Variants in KANSL1 observed in about 807,000 individuals in gnomAD.
The protein encoded by KANSL1 is MLL1/MLL complex subunit KANSL1.
Under a neutral mutation model 103.6 loss-of-function variants are expected in KANSL1, and 22 were observed. The ratio of observed to expected loss-of-function variants is 0.21; its 90% CI spans 0.15 to 0.30. The LOEUF (loss-of-function observed/expected upper bound fraction) is 0.30, where lower values mean the gene tolerates loss of function less well. Among genes scored for constraint, KANSL1 ranks in the 10% least tolerant of loss-of-function variants. The pLI is 1.00. For missense variants in KANSL1, 1,337 were observed against 1,399.8 expected (o/e 0.96, Z 0.72); for synonymous variants, 600 against 527.6 (o/e 1.14, Z -1.88).
chr17:46,179,956 TG>T (rs1167464703), intron 1 of KANSL1, among the ~76,000 whole-genome samples: 1 of 151,724 alleles, frequency 6.6e-6, no homozygotes, highest in Admixed American at 6.6e-5. Flanking sequence ...CCCAGCTACT[TG>T]GAAGACTGAG....
chr17:46,156,621 A>G (rs533184378), intron 2 of KANSL1, among the ~76,000 whole-genome samples: 1 of 152,386 alleles, frequency 6.6e-6, no homozygotes, highest in Non-Finnish European at 1.5e-5. Flanking sequence ...TACTAAAACG[A>G]AACAGAGACG....
At chr17:46,172,326 A>G (rs2046328798) in intron 1 of KANSL1, 94 bp from the exon 2 acceptor site, 1 of 658,892 alleles carries the variant, frequency 1.5e-6, no homozygotes, top group Admixed American at 3.3e-5. Context: ...CTGTTGTCTA[A>G]ACTGCCTCCA....
intron 2 of KANSL1, among the ~76,000 whole-genome samples, chr17:46,138,430 TC>T (rs1414582373): frequency 6.6e-6 from 1 of 152,222 alleles, no homozygotes; most frequent in Non-Finnish European, 1.5e-5. Flanking sequence ...TTATAAGTAA[TC>T]TAGAGATGAC....
intron 1 of KANSL1, among the ~76,000 whole-genome samples, chr17:46,178,476 C>A (rs2147808391): frequency 6.6e-6 from 1 of 152,320 alleles, no homozygotes; most frequent in Non-Finnish European, 1.5e-5. Flanking sequence ...ATTTTTAGTT[C>A]ATTCAGTTAG....
chr17:46,216,287 G>A (rs2048335822), intron 1 of KANSL1, among the ~76,000 whole-genome samples: 2 of 152,168 alleles, frequency 1.3e-5, no homozygotes, highest in South Asian at 2.1e-4. Flanking sequence ...AATGTTTTTA[G>A]GAGCAAAAGA....
At chr17:46,175,974 A>T (rs2046501108) in intron 1 of KANSL1, among the ~76,000 whole-genome samples, 1 of 152,248 alleles carries the variant, frequency 6.6e-6, no homozygotes, top group Non-Finnish European at 1.5e-5. Context: ...TATAATATGC[A>T]AAGGGTTTTT....
intron 3 of KANSL1, among the ~76,000 whole-genome samples, chr17:46,088,840 G>C (rs1337257848): frequency 6.6e-6 from 1 of 152,216 alleles, no homozygotes; most frequent in Admixed American, 6.5e-5. Flanking sequence ...AAAGAACTAT[G>C]ATCTGGCCAT....
At chr17:46,132,896 T>A (rs568961088) in intron 2 of KANSL1, among the ~76,000 whole-genome samples, 1 of 152,216 alleles carries the variant, frequency 6.6e-6, no homozygotes, top group Admixed American at 6.5e-5. Flanking sequence ...TGAGCCATCA[T>A]CATACCACTG....
chr17:46,066,515 A>C (rs1194947739), intron 6 of KANSL1, 22 bp downstream of exon 6: 1 of 1,576,162 alleles, frequency 6.3e-7, no homozygotes, highest in Non-Finnish European at 8.6e-7. Flanking sequence ...CTTGACAATG[A>C]CCAACTCTCA....
chr17:46,074,508 T>G (rs1236410788), intron 4 of KANSL1, among the ~76,000 whole-genome samples: 4 of 151,866 alleles, frequency 2.6e-5, no homozygotes, highest in Non-Finnish European at 5.9e-5. Flanking sequence ...AAATTATGAG[T>G]AAAAATATAA....
In KANSL1 at chr17:46,038,599, G is replaced by T. The variant is rs773238363; in HGVS notation, c.2480C>A (p.Ser827Tyr). 6.2e-7 allele frequency: 1 copy of T among 1,614,184 alleles called. No individual in the cohort carries two copies. Among genetic ancestry groups the T allele is most frequent in the South Asian group, 1.1e-5 (1 of 91,088 alleles). ...PPHSPLVRQL[S>Y]TSSDSPAPAS... The stretch of plus-strand genomic sequence containing the variant: ...GGGTGCAGGGGAATCTGAGGAGGTG[G>T]AGAGCTGTCGCACCAAGGGACTGTG... The change falls in exon 10 of 15, where the codon TCC (serine) becomes TAC (tyrosine). Residue 827 changes from serine to tyrosine, a missense_variant. Physicochemically the swap from Ser to Tyr is moderately radical, Grantham distance 144. Transcript: ENST00000432791.
At chr17:46,146,462 AT>A (rs1204869045) in intron 2 of KANSL1, among the ~76,000 whole-genome samples, 10 of 152,044 alleles carry the variant, frequency 6.6e-5, no homozygotes, top group East Asian at 1.9e-4. Flanking sequence ...GAAAAAAAAA[AT>A]TTTTTTTGGA....
intron 1 of KANSL1, among the ~76,000 whole-genome samples, chr17:46,183,274 A>T (rs1597905812): frequency 6.8e-6 from 1 of 148,012 alleles, no homozygotes; most frequent in African/African-American, 2.5e-5. Flanking sequence ...AAACAAAAAC[A>T]CTAATTTTTT....
At chr17:46,059,646 AAAGAG>A (rs1401473415) in intron 6 of KANSL1, among the ~76,000 whole-genome samples, 8 of 64,596 alleles carry the variant, frequency 1.2e-4, no homozygotes, top group East Asian at 8.9e-4. Flanking sequence ...AAAAAAAAAA[AAAGAG>A]AGAGAGAGAG....
At position 46,033,148 on chromosome 17, in the gene KANSL1, T is replaced by C; in HGVS notation, c.2769A>G (p.Lys923=). The C allele has an allele frequency of 6.2e-7, 1 of 1,607,556 alleles. No homozygotes were observed. The highest frequency in any genetic ancestry group is 8.5e-7 in the Non-Finnish European group (1 of 1,176,834). The change falls in exon 13 of 15, where the codon AAA becomes AAG. Residue 923 remains lysine, a synonymous_variant. Transcript: ENST00000432791. ...ACCGTGCCCTCTCCATCTCCTCACATTTGGCATGCAGGGCGGCGAAGGCTG... is the reference window on the plus strand; with the variant it reads ...ACCGTGCCCTCTCCATCTCCTCACACTTGGCATGCAGGGCGGCGAAGGCTG... ...SDAAFAALHA[K]CEEMERARWL... is the part of the protein sequence containing the mutation.
intron 2 of KANSL1, among the ~76,000 whole-genome samples, chr17:46,123,024 T>G (rs935209933): frequency 2.6e-5 from 4 of 152,220 alleles, no homozygotes; most frequent in Non-Finnish European, 5.9e-5. Flanking sequence ...TCGCTTTAAA[T>G]CAAAAGCTAG....
chr17:46,050,817 G>A, intron 6 of KANSL1, 113 bp from the exon 7 acceptor site: 2 of 793,566 alleles, frequency 2.5e-6, no homozygotes, highest in Non-Finnish European at 4.0e-6. Flanking sequence ...TTATTGCGAA[G>A]ACCTTTCTAG....
intron 2 of KANSL1, among the ~76,000 whole-genome samples, chr17:46,100,347 G>A (rs1188671229): frequency 6.7e-6 from 1 of 149,486 alleles, no homozygotes; most frequent in Non-Finnish European, 1.5e-5. Context: ...TGAGGCAGGA[G>A]AATTGCTTGA....
intron 10 of KANSL1, 58 bp from the exon 11 acceptor site, chr17:46,034,343 T>C: frequency 6.3e-7 from 1 of 1,588,412 alleles, no homozygotes; most frequent in Middle Eastern, 1.7e-4. Flanking sequence ...ATCAAATCAT[T>C]CATCTAAGAG....
Sources: gnomAD v4.1 joint callset for allele counts (sites outside exome capture counted in the v4.1 genomes callset) on GRCh38, gnomAD v4.1.1 for gene constraint, MANE v1.5 for transcripts, NCBI Gene and HGNC (gene_info 2026-07-23, HGNC 2026-07-21) for gene names.